ACYP2: variants seen among roughly 807,000 people sequenced by gnomAD.
ACYP2 encodes acylphosphatase-2.
A neutral mutation model predicts 11.2 loss-of-function variants in ACYP2; 12 were observed. The ratio of observed to expected loss-of-function variants is 1.08; its 90% CI spans 0.69 to 1.74. ACYP2 has a LOEUF of 1.74. Among genes scored for constraint, ACYP2 ranks in the 40% most tolerant of loss-of-function variants. The probability of loss-of-function intolerance (pLI) is 0.00; values close to 1 mark genes in which losing one functional copy is unlikely to be tolerated. For missense variants in ACYP2, 134 were observed against 101.9 expected (o/e 1.31, Z -1.35); for synonymous variants, 43 against 32.2 (o/e 1.33, Z -1.13).
At chr2:54,200,168 A>C (rs79072228) in intron 6 of ACYP2, among the ~76,000 whole-genome samples, 4,494 of 152,208 alleles carry the variant, frequency 0.03, 87 homozygotes, top group Middle Eastern at 0.048. Flanking sequence ...GTATCTCTCA[A>C]TTGCTAGCTG....
At chr2:54,176,858 G>A (rs1397070474) in intron 6 of ACYP2, among the ~76,000 whole-genome samples, 1 of 152,168 alleles carries the variant, frequency 6.6e-6, no homozygotes, top group Admixed American at 6.6e-5. Context: ...ACTCTGAAGG[G>A]CCATCCTAGC....
At position 54,276,320 on chromosome 2, in the gene ACYP2, T is replaced by A. The variant is rs1688568307; in HGVS notation, c.405-28368T>A. 2.0e-5 allele frequency among the ~76,000 whole-genome samples: 3 copies of A among 152,314 alleles called. No individual in the cohort carries two copies. In the South Asian group the frequency reaches 6.2e-4, roughly 32 times the overall value. ...TGTCTCCATGTTGTTAGTGTAGGTA[T>A]TTCAGACAGCATTCTCCTTTGTTAA... is the stretch of plus-strand genomic sequence containing the variant. On this transcript the variant is annotated intron_variant, in intron 6 of 6. Coordinates refer to ENST00000607452, the MANE Select transcript of ACYP2 (RefSeq NM_001320586.2).
chr2:53,987,784 T>A (rs1217718542), intron 2 of ACYP2, among the ~76,000 whole-genome samples: 1 of 152,202 alleles, frequency 6.6e-6, no homozygotes, highest in East Asian at 1.9e-4. Flanking sequence ...TATATCCTCT[T>A]TGGTGAAATA....
At chr2:54,150,841 A>G (rs1448805032) in intron 6 of ACYP2, among the ~76,000 whole-genome samples, 1 of 149,414 alleles carries the variant, frequency 6.7e-6, no homozygotes, top group African/African-American at 2.5e-5. Flanking sequence ...TCCCGGGTTC[A>G]TACCATTCTC....
chr2:54,110,942 A>G (rs1187819082), intron 4 of ACYP2, among the ~76,000 whole-genome samples: 2 of 152,046 alleles, frequency 1.3e-5, no homozygotes, highest in African/African-American at 2.4e-5. Flanking sequence ...TTGAGTTCAG[A>G]GCAATCTGTG....
At chr2:54,144,404 G>A (rs116002441) in intron 6 of ACYP2, among the ~76,000 whole-genome samples, 3,445 of 152,126 alleles carry the variant, frequency 0.023, 120 homozygotes, top group African/African-American at 0.074. Flanking sequence ...CGGCCGGTGC[G>A]GTGGCTCACG....
intron 1 of ACYP2, among the ~76,000 whole-genome samples, chr2:53,972,062 C>A (rs1671163030): frequency 1.3e-5 from 2 of 152,356 alleles, no homozygotes; most frequent in East Asian, 3.9e-4. Context: ...GTAATCCCAG[C>A]ACTTTGGGAG....
At chr2:54,013,255 A>ATG (rs60289014) in intron 2 of ACYP2, among the ~76,000 whole-genome samples, 1,239 of 117,508 alleles carry the variant, frequency 0.011, 13 homozygotes, top group East Asian at 0.021. Flanking sequence ...ACCATCTAAT[A>ATG]TGTGTGTGTG....
intron 2 of ACYP2, among the ~76,000 whole-genome samples, chr2:54,046,639 C>T (rs1378923603): frequency 6.6e-6 from 1 of 152,068 alleles, no homozygotes; most frequent in Non-Finnish European, 1.5e-5. Context: ...GGGATAAGGC[C>T]ACAATGGAGG....
chr2:54,087,878 A>G (rs1291916749), intron 4 of ACYP2, among the ~76,000 whole-genome samples: 1 of 151,280 alleles, frequency 6.6e-6, no homozygotes, highest in Non-Finnish European at 1.5e-5. Context: ...TACAAAGGAA[A>G]TTTTTCCAAG....
At chr2:54,195,716 A>G (rs77116002) in intron 6 of ACYP2, among the ~76,000 whole-genome samples, 1 of 148,490 alleles carries the variant, frequency 6.7e-6, no homozygotes, top group African/African-American at 2.5e-5. Context: ...TTATTCAGTG[A>G]CATGTGCTTC....
chr2:54,177,889 T>TTTTC (rs1192380438), intron 6 of ACYP2, among the ~76,000 whole-genome samples: 6 of 129,854 alleles, frequency 4.6e-5, no homozygotes, highest in African/African-American at 1.4e-4. Context: ...CTCCTGTTTC[T>TTTTC]TTTCTTTCTT....
chr2:54,011,571 A>G (rs1048653040), intron 2 of ACYP2, among the ~76,000 whole-genome samples: 7 of 152,152 alleles, frequency 4.6e-5, no homozygotes, highest in Non-Finnish European at 7.4e-5. Flanking sequence ...TGTATCTTGC[A>G]TTTTGGGGAA....
intron 6 of ACYP2, among the ~76,000 whole-genome samples, chr2:54,147,591 C>T (rs531950037): frequency 4.1e-4 from 63 of 152,266 alleles, no homozygotes; most frequent in African/African-American, 1.4e-3. Context: ...GTGGCTCAGT[C>T]ATAGCTCACT....
chr2:54,202,481 C>T (rs1235403972), intron 6 of ACYP2, among the ~76,000 whole-genome samples: 3 of 147,462 alleles, frequency 2.0e-5, no homozygotes, highest in Non-Finnish European at 3.0e-5. Context: ...GATCTCACCT[C>T]GCTGCAACCT....
intron 4 of ACYP2, among the ~76,000 whole-genome samples, chr2:54,086,776 C>G (rs1474084161): frequency 6.6e-6 from 1 of 152,202 alleles, no homozygotes; most frequent in East Asian, 1.9e-4. Flanking sequence ...TTCCTAAACT[C>G]TTGTTCCCAT....
At position 54,201,636 on chromosome 2, in the gene ACYP2, C is replaced by CTTT. The variant is rs59874821; in HGVS notation, c.404+62889_404+62890insTTT. Among the ~76,000 whole-genome samples, 83 of 93,690 alleles carry CTTT rather than the reference C, an allele frequency of 8.9e-4. 1 individual carries two copies. The highest frequency in any genetic ancestry group is 3.5e-3 in the African/African-American group (82 of 23,536). 61.5% of individuals were successfully genotyped at this position (93,690 alleles called of 152,430 possible). ...TCTTTCTTTCTTTGTTTCTTTCTTT[C>CTTT]TCTTTCTTTCTTTCTTTCTTTCTTT... is the stretch of plus-strand genomic sequence containing the variant. On this transcript the variant is annotated intron_variant, in intron 6 of 6. Coordinates refer to ENST00000607452, the MANE Select transcript of ACYP2 (RefSeq NM_001320586.2).
intron 2 of ACYP2, among the ~76,000 whole-genome samples, chr2:54,031,843 C>A (rs1399836477): frequency 6.6e-6 from 1 of 152,154 alleles, no homozygotes; most frequent in African/African-American, 2.4e-5. Flanking sequence ...TGGTTTCTCA[C>A]TGTGGTTTTG....
At chr2:53,999,318 G>T (rs1672701785) in intron 2 of ACYP2, among the ~76,000 whole-genome samples, 2 of 152,144 alleles carry the variant, frequency 1.3e-5, no homozygotes, top group South Asian at 4.1e-4. Context: ...AGATTCACAG[G>T]TGGGAGGAGG....
Sources: gnomAD v4.1 joint callset for allele counts (sites outside exome capture counted in the v4.1 genomes callset) on GRCh38, gnomAD v4.1.1 for gene constraint, MANE v1.5 for transcripts, NCBI Gene and HGNC (gene_info 2026-07-23, HGNC 2026-07-21) for gene names.